The following CDH13 variants were observed in gnomAD, a reference collection of about 807,000 sequenced individuals.
CDH13 encodes cadherin 13, also known as cadherin-13.
Under a neutral mutation model 63.8 loss-of-function variants are expected in CDH13, and 24 were observed. That is an observed-to-expected ratio of 0.38 (90% confidence interval 0.27 to 0.53). CDH13 has a LOEUF of 0.53. Ranked by LOEUF, CDH13 falls within the 20% of genes least tolerant of loss-of-function variation. The pLI, the probability that CDH13 is intolerant of heterozygous loss-of-function variation, is 0.85. For missense variants in CDH13, 1,049 were observed against 903.1 expected (o/e 1.16, Z -2.07); for synonymous variants, 503 against 355.3 (o/e 1.42, Z -4.67).
At chr16:82,647,320 G>A (rs780766672) in intron 1 of CDH13, among the ~76,000 whole-genome samples, 3 of 152,190 alleles carry the variant, frequency 2.0e-5, no homozygotes, top group Non-Finnish European at 4.4e-5. Flanking sequence ...ACAGACCATG[G>A]TTGTGAGTGA....
intron 2 of CDH13, among the ~76,000 whole-genome samples, chr16:82,900,824 T>C (rs1452921230): frequency 2.0e-5 from 3 of 152,212 alleles, no homozygotes; most frequent in African/African-American, 7.2e-5. Context: ...GCTGGGTAAA[T>C]GCCAAGAAAT....
chr16:83,291,899 C>T (rs1488230350), intron 5 of CDH13, among the ~76,000 whole-genome samples: 1 of 152,092 alleles, frequency 6.6e-6, no homozygotes, highest in Non-Finnish European at 1.5e-5. Flanking sequence ...TCATCTTGAC[C>T]AGGTCAGAGT....
At chr16:83,492,791 G>T (rs1252582943) in intron 7 of CDH13, among the ~76,000 whole-genome samples, 1 of 152,090 alleles carries the variant, frequency 6.6e-6, no homozygotes, top group Non-Finnish European at 1.5e-5. Flanking sequence ...TTATCTTGTG[G>T]CCTCATTTGC....
At chr16:82,957,099 C>T (rs940775564) in intron 2 of CDH13, among the ~76,000 whole-genome samples, 1 of 152,132 alleles carries the variant, frequency 6.6e-6, no homozygotes, top group African/African-American at 2.4e-5. Context: ...CCAGACAACT[C>T]ACCACCACAT....
chr16:83,706,033 G>C lies in CDH13; in HGVS notation c.1538+27572G>C, dbSNP rs927456498. 6.6e-5 allele frequency among the ~76,000 whole-genome samples: 10 copies of C among 152,270 alleles called. No homozygotes were observed. In the South Asian group the frequency reaches 1.2e-3, roughly 19 times the overall value. ...GTGTCTCTGTGGTTTTAATGGCTCA[G>C]GAATGTGAGCAGGGCACACTGGGAG... On this transcript the variant is annotated intron_variant, in intron 10 of 13. Coordinates refer to ENST00000567109, the MANE Select transcript of CDH13 (RefSeq NM_001257.5).
At chr16:83,367,425 T>G (rs1395855137) in intron 6 of CDH13, among the ~76,000 whole-genome samples, 1 of 152,250 alleles carries the variant, frequency 6.6e-6, no homozygotes, top group Non-Finnish European at 1.5e-5. Context: ...TACTACTTTT[T>G]GGCTACTATG....
intron 1 of CDH13, among the ~76,000 whole-genome samples, chr16:82,831,641 G>A (rs1155971): frequency 0.15 from 23,392 of 152,070 alleles, 2,920 homozygotes; most frequent in East Asian, 0.71. Flanking sequence ...TAACAATAAC[G>A]TCCAGGTCAT....
intron 10 of CDH13, among the ~76,000 whole-genome samples, chr16:83,697,009 A>C (rs1387371112): frequency 6.6e-6 from 1 of 151,974 alleles, no homozygotes; most frequent in Non-Finnish European, 1.5e-5. Context: ...CTCCAACCAC[A>C]CGGCCTTTCT....
chr16:83,436,170 C>A (rs2072295536), intron 6 of CDH13, among the ~76,000 whole-genome samples: 1 of 152,088 alleles, frequency 6.6e-6, no homozygotes, highest in South Asian at 2.1e-4. Context: ...CTAGAAACTG[C>A]CAAAGAAGCT....
chr16:83,578,148 C>T (rs1023471282), intron 7 of CDH13, among the ~76,000 whole-genome samples: 1 of 152,198 alleles, frequency 6.6e-6, no homozygotes, highest in African/African-American at 2.4e-5. Flanking sequence ...ATACATTCTT[C>T]TGCTCAGAGT....
In CDH13 at chr16:83,500,322, TCCTCCTCC is replaced by T. The variant is rs1427484043; in HGVS notation, c.960+13668_960+13675del. ...CTTCTCCTTCTCCTTCTCCTTCTCC[TCCTCCTCC>T]TCCTCCTCCTCCTCCTCCTCCTCCT... On this transcript the variant is annotated intron_variant, in intron 7 of 13. Transcript: ENST00000567109. Among the ~76,000 whole-genome samples, 12 of 502 alleles carry T rather than the reference TCCTCCTCC, an allele frequency of 0.024. 5 individuals are homozygous for T. The East Asian group carries it at 1, about 42-fold the overall frequency. The allele number at this position is 502 out of a possible 152,430, so 0.3% of individuals were successfully genotyped here. A position where few individuals can be genotyped will look rare whatever the true frequency, so the allele number is the denominator to read the frequency against.
At chr16:83,115,613 T>C (rs1260471517) in intron 3 of CDH13, among the ~76,000 whole-genome samples, 2 of 152,200 alleles carry the variant, frequency 1.3e-5, no homozygotes, top group Non-Finnish European at 2.9e-5. Flanking sequence ...TACAAGACTG[T>C]CCATAATTGG....
chr16:83,281,029 C>T (rs2089154374), intron 5 of CDH13, among the ~76,000 whole-genome samples: 2 of 152,178 alleles, frequency 1.3e-5, no homozygotes, highest in Non-Finnish European at 2.9e-5. Flanking sequence ...TTCAATTTTA[C>T]CCCCTAACCA....
At chr16:83,354,956 T>C (rs2091024580) in intron 6 of CDH13, among the ~76,000 whole-genome samples, 1 of 152,244 alleles carries the variant, frequency 6.6e-6, no homozygotes, top group African/African-American at 2.4e-5. Flanking sequence ...ACAGACTGTA[T>C]ATTCCACAGA....
chr16:83,756,422 A>C (rs1913511629), intron 11 of CDH13, among the ~76,000 whole-genome samples: 1 of 152,238 alleles, frequency 6.6e-6, no homozygotes, highest in South Asian at 2.1e-4. Flanking sequence ...TCTCCTAAAA[A>C]CACATGAAAG....
At chr16:82,996,618 G>A (rs567676776) in intron 2 of CDH13, among the ~76,000 whole-genome samples, 1 of 152,150 alleles carries the variant, frequency 6.6e-6, no homozygotes, top group Non-Finnish European at 1.5e-5. Context: ...GCCTTATAAG[G>A]GGGCAATGTT....
chr16:83,173,827 G>C (rs749749168), intron 4 of CDH13, among the ~76,000 whole-genome samples: 3 of 151,930 alleles, frequency 2.0e-5, no homozygotes, highest in African/African-American at 7.3e-5. Flanking sequence ...TACCTTCCTA[G>C]CATCCATCTT....
intron 2 of CDH13, among the ~76,000 whole-genome samples, chr16:83,003,432 T>C (rs189144959): frequency 6.6e-6 from 1 of 152,034 alleles, no homozygotes; most frequent in Admixed American, 6.5e-5. Flanking sequence ...GGCTCATAAA[T>C]AGGGACAGTA....
chr16:82,714,599 A>G (rs910897203), intron 1 of CDH13, among the ~76,000 whole-genome samples: 2 of 150,172 alleles, frequency 1.3e-5, no homozygotes, highest in African/African-American at 4.9e-5. Flanking sequence ...CTGTAGTTTC[A>G]GCTACTCAGG....
Sources: gnomAD v4.1 joint callset for allele counts (sites outside exome capture counted in the v4.1 genomes callset) on GRCh38, gnomAD v4.1.1 for gene constraint, MANE v1.5 for transcripts, NCBI Gene and HGNC (gene_info 2026-07-23, HGNC 2026-07-21) for gene names.